Variants in PRKN observed in about 807,000 individuals in gnomAD.
PRKN encodes the protein E3 ubiquitin-protein ligase parkin.
Under a neutral mutation model 59.5 loss-of-function variants are expected in PRKN, and 56 were observed. The observed-to-expected ratio is 0.94, with a 90% CI of 0.76 to 1.18. PRKN has a LOEUF of 1.18. Ranked by LOEUF, PRKN falls within the 50% of genes most tolerant of loss-of-function variation. PRKN has a pLI of 0.00. For missense variants in PRKN, 657 were observed against 596.4 expected (o/e 1.10, Z -1.06); for synonymous variants, 250 against 222.1 (o/e 1.13, Z -1.12).
chr6:161,992,307 T>G (rs1378976290), intron 5 of PRKN, among the ~76,000 whole-genome samples: 1 of 152,066 alleles, frequency 6.6e-6, no homozygotes, highest in Non-Finnish European at 1.5e-5. Context: ...GCCACAGCAC[T>G]CCAGCCTGGG....
At chr6:162,165,877 C>T (rs376617208) in intron 4 of PRKN, among the ~76,000 whole-genome samples, 12 of 151,814 alleles carry the variant, frequency 7.9e-5, no homozygotes, top group African/African-American at 2.9e-4. Flanking sequence ...GGTGAAACCC[C>T]TTCTCTACTA....
At chr6:162,352,475 T>C (rs1056254809) in intron 2 of PRKN, among the ~76,000 whole-genome samples, 1 of 152,180 alleles carries the variant, frequency 6.6e-6, no homozygotes, top group Non-Finnish European at 1.5e-5. Flanking sequence ...TTAGAAAAGA[T>C]AATCTACGTG....
At chr6:162,061,300 A>G (rs1328626994) in intron 4 of PRKN, among the ~76,000 whole-genome samples, 2 of 152,230 alleles carry the variant, frequency 1.3e-5, no homozygotes, top group African/African-American at 4.8e-5. Flanking sequence ...GCCTTTACAC[A>G]GTTGCTGGCA....
intron 1 of PRKN, among the ~76,000 whole-genome samples, chr6:162,713,252 T>C (rs1778602639): frequency 6.6e-6 from 1 of 152,132 alleles, no homozygotes; most frequent in Non-Finnish European, 1.5e-5. Context: ...CCCAGCACTT[T>C]GGGAGACCGA....
intron 4 of PRKN, among the ~76,000 whole-genome samples, chr6:162,115,556 A>G (rs201879787): frequency 0.29 from 30,809 of 104,940 alleles, 4,843 homozygotes; most frequent in African/African-American, 0.5. Context: ...TTTCCAAAGA[A>G]AAAAAAAAAA....
chr6:162,355,613 T>G (rs954175643), intron 2 of PRKN, among the ~76,000 whole-genome samples: 1 of 151,942 alleles, frequency 6.6e-6, no homozygotes, highest in Non-Finnish European at 1.5e-5. Flanking sequence ...AAAGCCCATT[T>G]CTTCAGCATG....
chr6:161,850,392 A>G (rs1793377936), intron 6 of PRKN, among the ~76,000 whole-genome samples: 1 of 152,034 alleles, frequency 6.6e-6, no homozygotes, highest in African/African-American at 2.4e-5. Flanking sequence ...ATCCTGGCCA[A>G]CATGGTGAAA....
intron 2 of PRKN, among the ~76,000 whole-genome samples, chr6:162,349,678 G>A (rs1327480338): frequency 5.3e-5 from 8 of 152,096 alleles, no homozygotes; most frequent in African/African-American, 1.9e-4. Flanking sequence ...GATGCAAAAC[G>A]GGAAGAGAAG....
intron 3 of PRKN, among the ~76,000 whole-genome samples, chr6:162,257,205 T>C (rs1453587544): frequency 1.3e-5 from 2 of 152,148 alleles, no homozygotes; most frequent in Non-Finnish European, 2.9e-5. Flanking sequence ...GTGTGGTGGC[T>C]CACACCTGTA....
At chr6:162,249,996 G>A (rs1301775133) in intron 3 of PRKN, among the ~76,000 whole-genome samples, 1 of 151,792 alleles carries the variant, frequency 6.6e-6, no homozygotes, top group African/African-American at 2.4e-5. Flanking sequence ...AAATACAAAA[G>A]TTAGCCGGGC....
chr6:162,065,919 C>T (rs1778318947), intron 4 of PRKN, among the ~76,000 whole-genome samples: 1 of 152,210 alleles, frequency 6.6e-6, no homozygotes, highest in Admixed American at 6.5e-5. Context: ...TTTATGACTG[C>T]ATAGAATTCC....
intron 1 of PRKN, among the ~76,000 whole-genome samples, chr6:162,629,172 CAA>C (rs1020161951): frequency 1.3e-5 from 2 of 152,046 alleles, no homozygotes; most frequent in African/African-American, 2.4e-5. Context: ...TAAAATATCC[CAA>C]AGTGTTGAGA....
At position 162,213,852 on chromosome 6, in the gene PRKN, CACACACATAT is replaced by C. The variant is rs1777520093; in HGVS notation, c.413-12610_413-12601del. ...ACACACACACACACACACACACACA[CACACACATAT>C]GAATAGTAAGAAGTAATAGAGTCTT... On this transcript the variant is annotated intron_variant, in intron 3 of 11. Coordinates refer to ENST00000366898, the MANE Select transcript of PRKN (RefSeq NM_004562.3). Among the ~76,000 whole-genome samples the C allele has an allele frequency of 3.8e-5, 4 of 104,644 alleles. No homozygotes were observed. In the South Asian group the frequency reaches 1.3e-3, roughly 34 times the overall value. The allele number at this position is 104,644 out of a possible 152,430, so 68.7% of individuals were successfully genotyped here. A position where few individuals can be genotyped will look rare whatever the true frequency, so the allele number is the denominator to read the frequency against.
intron 1 of PRKN, among the ~76,000 whole-genome samples, chr6:162,444,876 T>C (rs1219653422): frequency 6.6e-6 from 1 of 152,132 alleles, no homozygotes; most frequent in Non-Finnish European, 1.5e-5. Flanking sequence ...AAAACATAAA[T>C]AAACCACAGA....
intron 6 of PRKN, among the ~76,000 whole-genome samples, chr6:161,835,371 C>A (rs1027829504): frequency 6.6e-6 from 1 of 152,054 alleles, no homozygotes; most frequent in East Asian, 1.9e-4. Context: ...CCACTCCACA[C>A]CCCCTGGGAA....
chr6:162,352,222 T>C (rs1458206884), intron 2 of PRKN, among the ~76,000 whole-genome samples: 1 of 152,180 alleles, frequency 6.6e-6, no homozygotes, highest in African/African-American at 2.4e-5. Context: ...TGCACCCAGG[T>C]CATCCCACCA....
chr6:162,212,274 C>A (rs887908894), intron 3 of PRKN, among the ~76,000 whole-genome samples: 1 of 152,070 alleles, frequency 6.6e-6, no homozygotes, highest in South Asian at 2.1e-4. Flanking sequence ...AGTCAGCAAT[C>A]CCCCGAGATT....
rs1791353343 is a variant in PRKN, at chr6:161,480,777, AC to A, written c.1083+68076del. Reference sequence around the variant, plus strand: ...AGTAATTTCAGGCCTTATCTGAAATACCTGCCTCAGCACATGCTGAAAGTAT... The same window carrying A: ...AGTAATTTCAGGCCTTATCTGAAATACTGCCTCAGCACATGCTGAAAGTAT... On this transcript the variant is annotated intron_variant, in intron 9 of 11. Coordinates refer to ENST00000366898, the MANE Select transcript of PRKN (RefSeq NM_004562.3). This position sits in a 1 kb window ranked among gnomAD's most constrained non-coding sequence, Gnocchi z 4.1. Among the ~76,000 whole-genome samples, 1 of 152,260 alleles carries A rather than the reference AC, an allele frequency of 6.6e-6. No individual in the cohort carries two copies. Among genetic ancestry groups the A allele is most frequent in the Non-Finnish European group, 1.5e-5 (1 of 68,052 alleles).
intron 2 of PRKN, among the ~76,000 whole-genome samples, chr6:162,329,611 T>C (rs887028568): frequency 2.6e-5 from 4 of 152,034 alleles, no homozygotes; most frequent in African/African-American, 7.2e-5. Context: ...TTCCTTTGTT[T>C]ATTTTTGAGA....
Sources: allele counts gnomAD v4.1 joint callset (sites outside exome capture counted in the v4.1 genomes callset), GRCh38; gene constraint gnomAD v4.1.1; non-coding constraint Gnocchi (gnomAD v3.1); transcripts MANE v1.5; gene names NCBI Gene and HGNC (gene_info 2026-07-23, HGNC 2026-07-21).